Variants in DCDC1 observed in about 807,000 individuals in gnomAD.
The protein encoded by DCDC1 is doublecortin domain-containing protein 1.
DCDC1 carries 200 observed loss-of-function variants against 178.3 expected under a neutral mutation model. The ratio of observed to expected loss-of-function variants is 1.12; its 90% CI spans 1.00 to 1.26. The LOEUF is 1.26. DCDC1 is among the 50% of genes most tolerant of loss of function. The probability of loss-of-function intolerance (pLI) is 0.00; values close to 1 mark genes in which losing one functional copy is unlikely to be tolerated. For missense variants in DCDC1, 1,983 were observed against 1,749.2 expected (o/e 1.13, Z -2.38); for synonymous variants, 690 against 604.8 (o/e 1.14, Z -2.07).
intron 3 of DCDC1, among the ~76,000 whole-genome samples, chr11:31,322,086 T>C (rs1260868128): frequency 3.3e-5 from 5 of 152,230 alleles, no homozygotes; most frequent in African/African-American, 1.2e-4. Flanking sequence ...CATATTGCCA[T>C]GTTTGCTTTG....
At chr11:30,904,849 T>C (rs1237547955) in intron 31 of DCDC1, 112 bp downstream of exon 31, 7 of 1,247,790 alleles carry the variant, frequency 5.6e-6, no homozygotes, top group Non-Finnish European at 6.9e-6. Context: ...CTTTAACTGG[T>C]GAATCTGGCC....
At chr11:30,908,906 C>T in intron 29 of DCDC1, 40 bp downstream of exon 29, 2 of 1,520,898 alleles carry the variant, frequency 1.3e-6, no homozygotes, top group Admixed American at 2.0e-5. Flanking sequence ...TCTCTTTTAC[C>T]CTATTTTTCT....
At chr11:31,131,673 C>T (rs1290346851) in intron 10 of DCDC1, among the ~76,000 whole-genome samples, 3 of 152,076 alleles carry the variant, frequency 2.0e-5, no homozygotes, top group Admixed American at 1.3e-4. Flanking sequence ...ACTCCATTTC[C>T]GAAAAATACT....
chr11:31,142,706 A>G (rs1963975712), intron 9 of DCDC1, among the ~76,000 whole-genome samples: 1 of 152,204 alleles, frequency 6.6e-6, no homozygotes, highest in Non-Finnish European at 1.5e-5. Flanking sequence ...ATAAGATATT[A>G]TAATCTTATG....
At chr11:31,196,411 A>T (rs1168447655) in intron 9 of DCDC1, among the ~76,000 whole-genome samples, 1 of 151,868 alleles carries the variant, frequency 6.6e-6, no homozygotes, top group Non-Finnish European at 1.5e-5. Flanking sequence ...CCACCCCCCG[A>T]CCAATTCTGC....
At chr11:31,246,946 T>A (rs1943609142) in intron 8 of DCDC1, among the ~76,000 whole-genome samples, 1 of 152,088 alleles carries the variant, frequency 6.6e-6, no homozygotes, top group Admixed American at 6.6e-5. Context: ...ACATGATTGC[T>A]ATACTTAGAG....
At chr11:31,217,261 T>C (rs1973701497) in intron 9 of DCDC1, among the ~76,000 whole-genome samples, 2 of 152,338 alleles carry the variant, frequency 1.3e-5, no homozygotes, top group Non-Finnish European at 2.9e-5. Flanking sequence ...GATTTGCATA[T>C]TTGAAAATAG....
At chr11:31,082,911 A>C (rs1957272938) in intron 17 of DCDC1, among the ~76,000 whole-genome samples, 4 of 152,208 alleles carry the variant, frequency 2.6e-5, no homozygotes, top group Admixed American at 2.6e-4. Context: ...AATTCATAAC[A>C]TAGTAAGAAC....
At position 31,005,703 on chromosome 11, in the gene DCDC1, A is replaced by G. The variant is rs142887668; in HGVS notation, c.2592-53135T>C. Among the ~76,000 whole-genome samples, 52 of 152,258 alleles carry G rather than the reference A, an allele frequency of 3.4e-4. No individual in the cohort carries two copies. The East Asian group carries it at 9.9e-3, about 29-fold the overall frequency. ...ATTCCATACCACTTTCTTCTCTCCT[A>G]CAGATAGTCTCTTCAGCCTTCACCA... On this transcript the variant is annotated intron_variant, in intron 20 of 38. Coordinates refer to ENST00000684477, the MANE Select transcript of DCDC1 (RefSeq NM_001387274.1).
intron 20 of DCDC1, among the ~76,000 whole-genome samples, chr11:31,058,521 G>A (rs1955729772): frequency 6.6e-6 from 1 of 152,066 alleles, no homozygotes; most frequent in Non-Finnish European, 1.5e-5. Context: ...GTATGAGCAT[G>A]TATGCCTTGT....
intron 20 of DCDC1, among the ~76,000 whole-genome samples, chr11:31,029,919 C>T (rs1953506543): frequency 6.6e-6 from 1 of 151,922 alleles, no homozygotes; most frequent in African/African-American, 2.4e-5. Flanking sequence ...TCCATGGTAT[C>T]CATTACAGAG....
chr11:31,031,938 T>C (rs1209604178), intron 20 of DCDC1, among the ~76,000 whole-genome samples: 1 of 152,176 alleles, frequency 6.6e-6, no homozygotes, highest in African/African-American at 2.4e-5. Context: ...TTTTAATATG[T>C]TTGATATTCT....
intron 20 of DCDC1, among the ~76,000 whole-genome samples, chr11:30,974,586 T>C (rs1166092348): frequency 1.3e-5 from 2 of 152,060 alleles, no homozygotes; most frequent in Admixed American, 6.6e-5. Flanking sequence ...TGAATAACTA[T>C]ACATTCGCAA....
At chr11:31,362,568 G>A (rs1951764360) in intron 1 of DCDC1, among the ~76,000 whole-genome samples, 1 of 152,114 alleles carries the variant, frequency 6.6e-6, no homozygotes, top group Admixed American at 6.5e-5. Flanking sequence ...TAATGGGCTT[G>A]AAACAGGGAA....
intron 2 of DCDC1, among the ~76,000 whole-genome samples, chr11:31,330,738 TTC>T (rs1381189709): frequency 6.6e-6 from 1 of 152,198 alleles, no homozygotes; most frequent in Non-Finnish European, 1.5e-5. Flanking sequence ...GAGGCCTCTG[TTC>T]TGTTCCATTG....
intron 8 of DCDC1, among the ~76,000 whole-genome samples, chr11:31,257,799 C>T (rs1033086903): frequency 3.9e-5 from 6 of 151,928 alleles, no homozygotes; most frequent in African/African-American, 1.5e-4. Flanking sequence ...AGTCTAATTT[C>T]TCTTAAAGAA....
intron 20 of DCDC1, among the ~76,000 whole-genome samples, chr11:31,018,261 T>C (rs919275370): frequency 6.6e-6 from 1 of 152,216 alleles, no homozygotes; most frequent in Non-Finnish European, 1.5e-5. Context: ...CAGAGGGTAT[T>C]GAAAGAAATT....
At chr11:30,972,894 T>C (rs952450152) in intron 20 of DCDC1, among the ~76,000 whole-genome samples, 3 of 152,124 alleles carry the variant, frequency 2.0e-5, no homozygotes, top group African/African-American at 4.8e-5. Flanking sequence ...GACTGAATCA[T>C]AGGGGTAGTT....
Position 31,043,424 on chromosome 11 carries a change from G to T in DCDC1, c.2591+21045C>A, listed in dbSNP as rs1428147984. ...GGCAGAACTGAGATGGAGAAAAATA[G>T]AAAAGTTGGAGAAGTATCAGTTGAA... On this transcript the variant is annotated intron_variant, in intron 20 of 38. Transcript: ENST00000684477. 6.6e-5 allele frequency among the ~76,000 whole-genome samples: 10 copies of T among 152,232 alleles called. No individual in the cohort carries two copies. The East Asian group carries it at 1.9e-3, about 29-fold the overall frequency.
Sources: gnomAD v4.1 joint callset for allele counts (sites outside exome capture counted in the v4.1 genomes callset) on GRCh38, gnomAD v4.1.1 for gene constraint, MANE v1.5 for transcripts, NCBI Gene and HGNC (gene_info 2026-07-23, HGNC 2026-07-21) for gene names.